NTN1: variants seen among roughly 807,000 people sequenced by gnomAD.
The protein encoded by NTN1 is netrin 1.
A neutral mutation model predicts 54.2 loss-of-function variants in NTN1; 11 were observed. That is an observed-to-expected ratio of 0.20 (90% CI 0.13 to 0.34). The LOEUF is 0.34. Among genes scored for constraint, NTN1 ranks in the 10% least tolerant of loss-of-function variants. The probability of loss-of-function intolerance (pLI) is 1.00; values close to 1 mark genes in which losing one functional copy is unlikely to be tolerated. For missense variants in NTN1, 740 were observed against 893.1 expected (o/e 0.83, Z 2.18); for synonymous variants, 371 against 382.0 (o/e 0.97, Z 0.33).
chr17:9,166,247 A>G (rs2092373074), intron 3 of NTN1, among the ~76,000 whole-genome samples: 1 of 141,486 alleles, frequency 7.1e-6, no homozygotes, highest in Non-Finnish European at 1.5e-5. Flanking sequence ...CAGATGGTTC[A>G]AGGAAATGGT....
chr17:9,029,720 G>A (rs1241811051), intron 2 of NTN1, among the ~76,000 whole-genome samples: 1 of 152,222 alleles, frequency 6.6e-6, no homozygotes, highest in East Asian at 1.9e-4. Context: ...TTGGCCGGGC[G>A]CGGTGGCTCA....
At position 9,221,088 on chromosome 17, in the gene NTN1, G is replaced by C. The variant is rs567975513; in HGVS notation, c.1412-80G>C. 2 of 1,024,320 alleles carry C rather than the reference G, an allele frequency of 2.0e-6. No homozygotes were observed. Among genetic ancestry groups the C allele is most frequent in the Admixed American group, 3.4e-5 (2 of 59,042 alleles). 63.5% of individuals were successfully genotyped at this position (1,024,320 alleles called of 1,614,324 possible). ...CAGGCCTCTGGCTATTTAGGGAGGC[G>C]GCCTCCTACTCTGCCCGCCAGCCTA... On this transcript the variant is annotated intron_variant, in intron 5 of 6. Transcript: ENST00000173229. The surrounding 1 kb of genome is among the most constrained non-coding windows in gnomAD (Gnocchi z 4.5).
chr17:9,192,110 T>C (rs1173202083), intron 5 of NTN1, among the ~76,000 whole-genome samples: 1 of 152,162 alleles, frequency 6.6e-6, no homozygotes, highest in Non-Finnish European at 1.5e-5. Context: ...GGTGCCACTT[T>C]TATGAAGGGT....
chr17:9,006,286 C>A, the NTN1 span, among the ~76,000 whole-genome samples: 1 of 152,204 alleles, frequency 6.6e-6, no homozygotes, highest in Non-Finnish European at 1.5e-5. Flanking sequence ...TTGGACAAGA[C>A]AAACATTGTT....
At chr17:9,092,675 C>T (rs551612076) in intron 2 of NTN1, among the ~76,000 whole-genome samples, 1 of 151,360 alleles carries the variant, frequency 6.6e-6, no homozygotes, top group South Asian at 2.1e-4. Flanking sequence ...CTCATTGCAA[C>T]CTTTGTGTCC....
At chr17:9,006,746 C>T in the NTN1 span, among the ~76,000 whole-genome samples, 4 of 152,296 alleles carry the variant, frequency 2.6e-5, no homozygotes, top group African/African-American at 7.2e-5. Context: ...CATATGGATG[C>T]CCTGGTAGGG....
chr17:9,227,822 TACAC>T (rs58124343), intron 6 of NTN1, among the ~76,000 whole-genome samples: 75,169 of 150,228 alleles, frequency 0.5, 18,720 homozygotes, highest in East Asian at 0.61. Context: ...CCCACACTAT[TACAC>T]ACATACCACA....
Position 9,239,984 on chromosome 17 carries a change from C to CGG in NTN1, c.*18_*19dup, listed in dbSNP as rs1180499631. ...GAAGGCCTAGCGCCGAGGCAGCGGG[C>CGG]GGGCGGGCGGGCGGGCGCCAGGGCG... is the stretch of plus-strand genomic sequence containing the variant. On this transcript the variant is annotated 3_prime_UTR_variant, in exon 7 of 7. Coordinates refer to ENST00000173229, the MANE Select transcript of NTN1 (RefSeq NM_004822.3). The surrounding 1 kb of genome is among the most constrained non-coding windows in gnomAD (Gnocchi z 5.2). The CGG allele has an allele frequency of 1.7e-4, 1 of 5,934 alleles. No individual in the cohort carries two copies. 0.4% of individuals were successfully genotyped at this position (5,934 alleles called of 1,614,324 possible).
At chr17:9,098,270 C>T (rs1215232439) in intron 2 of NTN1, among the ~76,000 whole-genome samples, 2 of 152,226 alleles carry the variant, frequency 1.3e-5, no homozygotes, top group Admixed American at 6.5e-5. Context: ...GTTTCCTTAT[C>T]AGCATCCCAT....
intron 2 of NTN1, among the ~76,000 whole-genome samples, chr17:9,102,572 A>G (rs936178480): frequency 2.0e-5 from 3 of 152,230 alleles, no homozygotes; most frequent in Admixed American, 2.0e-4. Context: ...AGCGGCATCT[A>G]CTAAAGCTGA....
rs143289735 is a variant in NTN1 at position 9,236,335 on chromosome 17, C to G, written c.1487-3305C>G. ...TCCTTGCTTCAAGCCAGAGGTTGGT[C>G]GGAGGTGACAGCAGCCTGGTGGAGT... On this transcript the variant is annotated intron_variant, in intron 6 of 6. Transcript: ENST00000173229. Among the ~76,000 whole-genome samples the G allele has an allele frequency of 5.9e-5, 9 of 152,258 alleles. 1 individual carries two copies. The highest frequency in any genetic ancestry group is 2.2e-4 in the African/African-American group (9 of 41,548).
intron 2 of NTN1, among the ~76,000 whole-genome samples, chr17:9,141,966 C>T (rs1164834655): frequency 6.6e-6 from 1 of 152,118 alleles, no homozygotes; most frequent in Non-Finnish European, 1.5e-5. Flanking sequence ...TGGTGAAACC[C>T]TGTCTCTACT....
In NTN1 at chr17:9,179,968, G is replaced by A; in HGVS notation, c.1357+12G>A. 6 of 1,607,310 alleles carry A rather than the reference G, an allele frequency of 3.7e-6. No individual in the cohort carries two copies. Among genetic ancestry groups the A allele is most frequent in the Non-Finnish European group, 5.1e-6 (6 of 1,177,070 alleles). On this transcript the variant is annotated intron_variant, in intron 4 of 6. Coordinates refer to ENST00000173229, the MANE Select transcript of NTN1 (RefSeq NM_004822.3). Reference sequence around the variant, plus strand: ...CGCCCCCTGCATAAGTATGTGTGGGGCACCCTGCTTTTCAAGTCTCTGGCT... The same window carrying A: ...CGCCCCCTGCATAAGTATGTGTGGGACACCCTGCTTTTCAAGTCTCTGGCT...
In NTN1 at chr17:9,031,915, C is replaced by T. The variant is rs539910641; in HGVS notation, c.1018+8524C>T. 4.7e-4 allele frequency among the ~76,000 whole-genome samples: 71 copies of T among 151,924 alleles called. 1 individual carries two copies. The South Asian group carries it at 0.011, about 23-fold the overall frequency. Reference sequence around the variant, plus strand: ...GGCCGAGATTGCAATGAGTCGAGATCGTGCCACTGCACTCCAGCCTGGGTG... The same window carrying T: ...GGCCGAGATTGCAATGAGTCGAGATTGTGCCACTGCACTCCAGCCTGGGTG... On this transcript the variant is annotated intron_variant, in intron 2 of 6. Coordinates refer to ENST00000173229, the MANE Select transcript of NTN1 (RefSeq NM_004822.3).
intron 2 of NTN1, among the ~76,000 whole-genome samples, chr17:9,083,896 T>A (rs2092081678): frequency 6.6e-6 from 1 of 152,146 alleles, no homozygotes; most frequent in Admixed American, 6.5e-5. Context: ...GAGACAGATA[T>A]GCTTAGAATA....
At chr17:9,090,512 ACT>A (rs1282157425) in intron 2 of NTN1, among the ~76,000 whole-genome samples, 1 of 151,658 alleles carries the variant, frequency 6.6e-6, no homozygotes, top group Non-Finnish European at 1.5e-5. Flanking sequence ...GCAGGTAAGG[ACT>A]CTCTGTGACT....
intron 5 of NTN1, among the ~76,000 whole-genome samples, chr17:9,187,305 ACTGAGG>A (rs1406184897): frequency 6.6e-6 from 1 of 152,098 alleles, no homozygotes; most frequent in Non-Finnish European, 1.5e-5. Context: ...GCAGGGAGCA[ACTGAGG>A]CAACTGCATG....
At chr17:9,013,127 C>T in the NTN1 span, among the ~76,000 whole-genome samples, 2 of 151,890 alleles carry the variant, frequency 1.3e-5, no homozygotes, top group Non-Finnish European at 2.9e-5. Flanking sequence ...CTGTGGTAGC[C>T]AGGTCTGTTC....
chr17:9,170,978 G>C (rs1436840747), intron 3 of NTN1: 1 of 152,126 alleles, frequency 6.6e-6, no homozygotes, highest in Non-Finnish European at 1.5e-5. Flanking sequence ...AGATCACGGA[G>C]TGTCAAATAA....
Sources: gnomAD v4.1 joint callset for allele counts (sites outside exome capture counted in the v4.1 genomes callset) on GRCh38, gnomAD v4.1.1 for gene constraint, Gnocchi (gnomAD v3.1) non-coding constraint, MANE v1.5 for transcripts, NCBI Gene and HGNC (gene_info 2026-07-23, HGNC 2026-07-21) for gene names.